Variants in VWA7 observed in about 807,000 individuals in gnomAD.
The protein encoded by VWA7 is von Willebrand factor A domain containing 7, also known as von Willebrand factor A domain-containing protein 7.
In VWA7, 66 loss-of-function variants were observed where a neutral mutation model predicts 83.1. The observed-to-expected ratio is 0.79, with a 90% CI of 0.65 to 0.98. The LOEUF (loss-of-function observed/expected upper bound fraction) is 0.98. VWA7 is among the 50% of genes least tolerant of loss of function. The probability of loss-of-function intolerance (pLI) is 0.00; values close to 1 mark genes in which losing one functional copy is unlikely to be tolerated. For missense variants in VWA7, 1,080 were observed against 1,160.2 expected (o/e 0.93, Z 1.00); for synonymous variants, 424 against 488.5 (o/e 0.87, Z 1.74).
At chr6:31,770,846 C>CA (rs554120524) in intron 7 of VWA7, among the ~76,000 whole-genome samples, 91 of 151,440 alleles carry the variant, frequency 6.0e-4, no homozygotes, top group Non-Finnish European at 9.9e-4. Flanking sequence ...CCCATCTCTA[C>CA]AAAAAAATAC....
chr6:31,776,153 A>G lies in VWA7; in HGVS notation c.324T>C (p.Ser108=). The change falls in exon 3 of 17, where the codon TCT becomes TCC. Residue 108 remains serine, a synonymous_variant. Transcript: ENST00000375688. This position sits in a 1 kb window ranked among gnomAD's most constrained non-coding sequence, Gnocchi z 6.2. ...RRFRAALGEV[S]RANAAQDFLP... is the part of the protein sequence containing the mutation. Reference sequence around the variant, plus strand: ...GGAAGTCCTGGGCTGCATTGGCACGAGACACCTCACCTAAGGCTGCTCGGA... The same window carrying G: ...GGAAGTCCTGGGCTGCATTGGCACGGGACACCTCACCTAAGGCTGCTCGGA... 6.2e-7 allele frequency: 1 copy of G among 1,614,042 alleles called. No individual in the cohort carries two copies. The highest frequency in any genetic ancestry group is 2.2e-5 in the East Asian group (1 of 44,882).
chr6:31,773,206 C>T lies in VWA7; in HGVS notation c.917+36G>A. On this transcript the variant is annotated intron_variant, in intron 6 of 16. Transcript: ENST00000375688. This position sits in a 1 kb window ranked among gnomAD's most constrained non-coding sequence, Gnocchi z 5.3. ...TTTCTCCCTTCCCGCAGGAGCGCCTCCCCATGAAGGGGTCCATCCCCAGGA... is the reference window on the plus strand; with the variant it reads ...TTTCTCCCTTCCCGCAGGAGCGCCTTCCCATGAAGGGGTCCATCCCCAGGA... 6.3e-7 allele frequency: 1 copy of T among 1,591,600 alleles called. No individual in the cohort carries two copies. The highest frequency in any genetic ancestry group is 8.5e-7 in the Non-Finnish European group (1 of 1,169,648).
Position 31,770,123 on chromosome 6 carries a change from G to C in VWA7, c.1088-10C>G, listed in dbSNP as rs1010495770. 1 of 1,609,996 alleles carries C rather than the reference G, an allele frequency of 6.2e-7. No homozygotes were observed. Among genetic ancestry groups the C allele is most frequent in the Admixed American group, 1.7e-5 (1 of 59,894 alleles). ...AAGACAGGGCCGAACCCTGGGAAGG[G>C]GAAAGGAGGTTAAGATAAGTGAGGA... On this transcript the variant is annotated splice_polypyrimidine_tract_variant and intron_variant, in intron 7 of 16. Coordinates refer to ENST00000375688, the MANE Select transcript of VWA7 (RefSeq NM_025258.3).
rs1812631117 is a variant in VWA7 at position 31,775,833 on chromosome 6, C to A, written c.513+131G>T. On this transcript the variant is annotated intron_variant, in intron 3 of 16. Coordinates refer to ENST00000375688, the MANE Select transcript of VWA7 (RefSeq NM_025258.3). The surrounding 1 kb of genome is among the most constrained non-coding windows in gnomAD (Gnocchi z 5.9). ...GGGGAACTGGGACACAGCCTCGGGG[C>A]ACCGCGTGCCAGTGCCCACCCCTTC... 2 of 1,417,176 alleles carry A rather than the reference C, an allele frequency of 1.4e-6. No homozygotes were observed. Among genetic ancestry groups the A allele is most frequent in the South Asian group, 2.8e-5 (2 of 72,570 alleles). 87.8% of individuals were successfully genotyped at this position (1,417,176 alleles called of 1,614,324 possible). A position where few individuals can be genotyped will look rare whatever the true frequency, so the allele number is the denominator to read the frequency against.
At position 31,766,454 on chromosome 6, in the gene VWA7, G is replaced by A. The variant is rs776073810; in HGVS notation, c.2184+9C>T. On this transcript the variant is annotated intron_variant, in intron 14 of 16. Coordinates refer to ENST00000375688, the MANE Select transcript of VWA7 (RefSeq NM_025258.3). This position sits in a 1 kb window ranked among gnomAD's most constrained non-coding sequence, Gnocchi z 4.9. ...CCAGCCCCAGCCGCACTTTCCCCTG[G>A]CGTCTCACCTCCAGAAGGACAGGGA... 4 of 1,585,072 alleles carry A rather than the reference G, an allele frequency of 2.5e-6. No individual in the cohort carries two copies. The South Asian group carries it at 3.4e-5, about 14-fold the overall frequency.
Position 31,776,071 on chromosome 6 carries a change from C to T in VWA7, c.406G>A (p.Gly136Arg), listed in dbSNP as rs1562284974. ...AGAGCCCCTACCAGGCGCGCGCGTCCCTGACCCAGTCGCTCAGCATCAAAG... is the reference window on the plus strand; with the variant it reads ...AGAGCCCCTACCAGGCGCGCGCGTCTCTGACCCAGTCGCTCAGCATCAAAG... ...LHFDAERLGQ[G>R]RARLVGALRE... The change falls in exon 3 of 17, where the codon GGA becomes AGA. Residue 136 changes from glycine to arginine, a missense_variant. Coordinates refer to ENST00000375688, the MANE Select transcript of VWA7 (RefSeq NM_025258.3). This position sits in a 1 kb window ranked among gnomAD's most constrained non-coding sequence, Gnocchi z 6.2. 3.1e-6 allele frequency: 5 copies of T among 1,613,760 alleles called. No individual in the cohort carries two copies. Among genetic ancestry groups the T allele is most frequent in the Non-Finnish European group, 4.2e-6 (5 of 1,180,030 alleles).
chr6:31,776,105 G>T lies in VWA7; in HGVS notation c.372C>A (p.Pro124=). 6.2e-7 allele frequency: 1 copy of T among 1,613,998 alleles called. No homozygotes were observed. Among genetic ancestry groups the T allele is most frequent in the Non-Finnish European group, 8.5e-7 (1 of 1,180,022 alleles). Residue 124 remains proline (P), a synonymous_variant, in exon 3 of 17, where the codon CCC becomes CCA. Transcript: ENST00000375688. The surrounding 1 kb of genome is among the most constrained non-coding windows in gnomAD (Gnocchi z 6.2). ...GTCGCTCAGCATCAAAGTGCAGGTC[G>T]GGGTCATTCCTGGAAGTTGGCAGGA... ...QDFLPTSRND[P]DLHFDAERLG...
At position 31,766,190 on chromosome 6, in the gene VWA7, A is replaced by T; in HGVS notation, c.2324+55T>A. ...GAGGGGGACAGGGGCAGGGCTTGGG[A>T]TAAGCATTGGCCGGGCAAGATGCCA... On this transcript the variant is annotated intron_variant, in intron 15 of 16. Transcript: ENST00000375688. The surrounding 1 kb of genome is among the most constrained non-coding windows in gnomAD (Gnocchi z 4.9). 1.2e-6 allele frequency: 2 copies of T among 1,603,016 alleles called. No homozygotes were observed. The highest frequency in any genetic ancestry group is 1.7e-6 in the Non-Finnish European group (2 of 1,174,296).
In VWA7 at chr6:31,773,027, G is replaced by T; in HGVS notation, c.1014C>A (p.Arg338=). ...EEINAAKIQA[R]HLVEQRRGSP... is the part of the protein sequence containing the mutation. Reference sequence around the variant, plus strand: ...TGCCTCTCCGCTGCTCCACAAGGTGGCGAGCCTGGATTTTGGCAGCGTTGA... The same window carrying T: ...TGCCTCTCCGCTGCTCCACAAGGTGTCGAGCCTGGATTTTGGCAGCGTTGA... The change falls in exon 7 of 17, where the codon CGC becomes CGA. Residue 338 remains arginine (R), a synonymous_variant. Transcript: ENST00000375688. The surrounding 1 kb of genome is among the most constrained non-coding windows in gnomAD (Gnocchi z 5.3). 1 of 1,611,676 alleles carries T rather than the reference G, an allele frequency of 6.2e-7. No individual in the cohort carries two copies. Among genetic ancestry groups the T allele is most frequent in the Non-Finnish European group, 8.5e-7 (1 of 1,179,512 alleles).
rs1275427965 is a variant in VWA7 at position 31,769,715 on chromosome 6, GT to G, written c.1276del (p.Thr426ProfsTer7). On this transcript the variant is annotated frameshift_variant, in exon 9 of 17. Transcript: ENST00000375688. LOFTEE classifies it high-confidence loss of function. This position sits in a 1 kb window ranked among gnomAD's most constrained non-coding sequence, Gnocchi z 4.5. ...TDASPKDAFL[T>X]NQVESLTQER... ...CTGAGTCAGGGATTCCACCTGGTTGGTGAGAAAGGCATCCTTGGGGGAGGCA... is the reference window on the plus strand; with the variant it reads ...CTGAGTCAGGGATTCCACCTGGTTGGGAGAAAGGCATCCTTGGGGGAGGCA... 2.5e-6 allele frequency: 4 copies of G among 1,612,962 alleles called. No homozygotes were observed. Among genetic ancestry groups the G allele is most frequent in the Non-Finnish European group, 3.4e-6 (4 of 1,180,042 alleles).
rs1461757547 is a variant in VWA7, at chr6:31,766,602, A to G, written c.2045T>C (p.Leu682Pro). The G allele has an allele frequency of 5.0e-6, 8 of 1,613,044 alleles. No individual in the cohort carries two copies. Among genetic ancestry groups the G allele is most frequent in the Non-Finnish European group, 5.9e-6 (7 of 1,180,006 alleles). ...CGTGGGCGACAGCGAGGCTGCGAGG[A>G]GACCTCGCTCCGGAGGTCCCACGGG... Reference protein sequence around the residue: ...LEPVGPPERGLLAASLSPTLL... With the variant: ...LEPVGPPERGPLAASLSPTLL... The change falls in exon 14 of 17, where the codon CTC (leucine) becomes CCC (proline). Residue 682 changes from leucine to proline, a missense_variant. Physicochemically the swap from Leu to Pro is moderately conservative, Grantham distance 98. Transcript: ENST00000375688. The surrounding 1 kb of genome is among the most constrained non-coding windows in gnomAD (Gnocchi z 4.9).
At position 31,766,657 on chromosome 6, in the gene VWA7, C is replaced by A; in HGVS notation, c.1990G>T (p.Gly664Cys). ...AAGGGCACCTGGCCTAGTTCGGCAC[C>A]CTCTGGGACCCCTCGAAGGATGACG... The part of the protein sequence containing the change: ...SHVILRGVPE[G>C]AELGQVPLEP... The change falls in exon 14 of 17, where the codon GGT becomes TGT. Residue 664 changes from glycine (G) to cysteine (C), a missense_variant. Coordinates refer to ENST00000375688, the MANE Select transcript of VWA7 (RefSeq NM_025258.3). The surrounding 1 kb of genome is among the most constrained non-coding windows in gnomAD (Gnocchi z 4.9). 6.2e-7 allele frequency: 1 copy of A among 1,612,972 alleles called. No individual in the cohort carries two copies. Among genetic ancestry groups the A allele is most frequent in the Non-Finnish European group, 8.5e-7 (1 of 1,179,962 alleles).
Position 31,772,978 on chromosome 6 carries a change from C to T in VWA7, c.1063G>A (p.Val355Ile). ...CCTGGGTCATGAAAAGGCACCAGGA[C>T]ATAGTGGACAGGCTCCATGGGGCTG... ...RGSPMEPVHY[V>I]LVPFHDPGFG... The change falls in exon 7 of 17, where the codon GTC (valine) becomes ATC (isoleucine). Residue 355 changes from valine to isoleucine, a missense_variant. Transcript: ENST00000375688. The T allele has an allele frequency of 6.8e-7, 1 of 1,474,112 alleles. No homozygotes were observed. Among genetic ancestry groups the T allele is most frequent in the Non-Finnish European group, 9.4e-7 (1 of 1,067,490 alleles). The allele number at this position is 1,474,112 out of a possible 1,614,324, so 91.3% of individuals were successfully genotyped here. A position where few individuals can be genotyped will look rare whatever the true frequency, so the allele number is the denominator to read the frequency against.
At position 31,775,283 on chromosome 6, in the gene VWA7, C is replaced by T; in HGVS notation, c.610+50G>A. ...GAATGTGACACAGTGGCTGGGTGGA[C>T]TGAGGTGGCCCTGTGGACTCCTGCC... On this transcript the variant is annotated intron_variant, in intron 4 of 16. Transcript: ENST00000375688. The surrounding 1 kb of genome is among the most constrained non-coding windows in gnomAD (Gnocchi z 5.9). 2.0e-6 allele frequency: 3 copies of T among 1,494,680 alleles called. No homozygotes were observed. The highest frequency in any genetic ancestry group is 1.8e-6 in the Non-Finnish European group (2 of 1,093,584). 92.6% of individuals were successfully genotyped at this position (1,494,680 alleles called of 1,614,324 possible).
Position 31,773,091 on chromosome 6 carries a change from C to T in VWA7, c.950G>A (p.Ser317Asn). 6.2e-7 allele frequency: 1 copy of T among 1,612,106 alleles called. No individual in the cohort carries two copies. Among genetic ancestry groups the T allele is most frequent in the Non-Finnish European group, 8.5e-7 (1 of 1,179,642 alleles). The stretch of plus-strand genomic sequence containing the variant: ...GCTGCCCGTGGTGTCCAGGACAAAG[C>T]TCAGGCTGGAGGCTGGGGTGATGTC... ...LLDITPASSL[S>N]FVLDTTGSMG... Residue 317 changes from serine to asparagine, a missense_variant, in exon 7 of 17, where the codon AGC becomes AAC. Coordinates refer to ENST00000375688, the MANE Select transcript of VWA7 (RefSeq NM_025258.3). This position sits in a 1 kb window ranked among gnomAD's most constrained non-coding sequence, Gnocchi z 5.3.
rs1347939486 is a variant in VWA7, at chr6:31,766,432, G to GC, written c.2184+30dup. On this transcript the variant is annotated intron_variant, in intron 14 of 16. Coordinates refer to ENST00000375688, the MANE Select transcript of VWA7 (RefSeq NM_025258.3). This position sits in a 1 kb window ranked among gnomAD's most constrained non-coding sequence, Gnocchi z 4.9. ...GAAGGGGCCGCTCTAACTCTCTCCA[G>GC]CCCCAGCCGCACTTTCCCCTGGCGT... The GC allele has an allele frequency of 4.4e-6, 7 of 1,574,486 alleles. No homozygotes were observed. Among genetic ancestry groups the GC allele is most frequent in the Non-Finnish European group, 6.0e-6 (7 of 1,159,926 alleles).
rs1812696901 is a variant in VWA7, at chr6:31,776,447, T to C, written c.234+99A>G. ...TATTATTGCTGCAGGGGTGGGGCCATGGGTGTCTCTTCTCTTGGCAACCAG... is the reference window on the plus strand; with the variant it reads ...TATTATTGCTGCAGGGGTGGGGCCACGGGTGTCTCTTCTCTTGGCAACCAG... On this transcript the variant is annotated intron_variant, in intron 2 of 16. Coordinates refer to ENST00000375688, the MANE Select transcript of VWA7 (RefSeq NM_025258.3). The surrounding 1 kb of genome is among the most constrained non-coding windows in gnomAD (Gnocchi z 6.2). 5.6e-6 allele frequency: 7 copies of C among 1,254,758 alleles called. No homozygotes were observed. The Admixed American group carries it at 1.9e-4, about 34-fold the overall frequency. 77.7% of individuals were successfully genotyped at this position (1,254,758 alleles called of 1,614,324 possible). A position where few individuals can be genotyped will look rare whatever the true frequency, so the allele number is the denominator to read the frequency against.
chr6:31,770,444 G>A (rs1304920719), intron 7 of VWA7, among the ~76,000 whole-genome samples: 1 of 150,586 alleles, frequency 6.6e-6, no homozygotes, highest in Non-Finnish European at 1.5e-5. Flanking sequence ...CCTCCCCAGA[G>A]GCTCCCCAGT....
chr6:31,765,772 T>C lies in VWA7; in HGVS notation c.2500-2A>G. The C allele has an allele frequency of 1.3e-6, 2 of 1,585,162 alleles. No homozygotes were observed. The highest frequency in any genetic ancestry group is 1.7e-6 in the Non-Finnish European group (2 of 1,164,274). On this transcript the variant is annotated splice_acceptor_variant, in intron 16 of 16. Coordinates refer to ENST00000375688, the MANE Select transcript of VWA7 (RefSeq NM_025258.3). LOFTEE classifies it high-confidence loss of function. ...GCCGGTAGGGGTGGTGTGCCGGTCCTGTGGGGAAAAGGAAGAGAATGACAG... is the reference window on the plus strand; with the variant it reads ...GCCGGTAGGGGTGGTGTGCCGGTCCCGTGGGGAAAAGGAAGAGAATGACAG...
Sources: gnomAD v4.1 joint callset for allele counts (sites outside exome capture counted in the v4.1 genomes callset) on GRCh38, gnomAD v4.1.1 for gene constraint, Gnocchi (gnomAD v3.1) non-coding constraint, MANE v1.5 for transcripts, NCBI Gene and HGNC (gene_info 2026-07-23, HGNC 2026-07-21) for gene names.